The following DIP2C variants were observed in gnomAD, a reference collection of about 807,000 sequenced individuals.
The protein encoded by DIP2C is disco-interacting protein 2 homolog C.
DIP2C carries 33 observed loss-of-function variants against 192.4 expected under a neutral mutation model. That is an observed-to-expected ratio of 0.17 (90% CI 0.13 to 0.23). DIP2C has a LOEUF of 0.23. Among genes scored for constraint, DIP2C ranks in the 10% least tolerant of loss-of-function variants. The pLI, the probability that DIP2C is intolerant of heterozygous loss-of-function variation, is 1.00. For synonymous variants in DIP2C, 979 were observed against 864.1 expected (o/e 1.13, Z -2.33); for missense variants, 1,537 against 2,110.1 (o/e 0.73, Z 5.32).
chr10:410,468 A>C (rs1457654186), intron 8 of DIP2C, among the ~76,000 whole-genome samples: 1 of 152,170 alleles, frequency 6.6e-6, no homozygotes, highest in African/African-American at 2.4e-5. Context: ...CTGGAATTCT[A>C]TTAGGGGATT....
intron 31 of DIP2C, among the ~76,000 whole-genome samples, chr10:318,324 TGGG>T (rs1329856080): frequency 3.2e-4 from 48 of 152,200 alleles, no homozygotes. Context: ...AGCTAGGGTG[TGGG>T]GAGACGATCA....
At chr10:418,646 G>A (rs937581502) in intron 6 of DIP2C, among the ~76,000 whole-genome samples, 1 of 152,236 alleles carries the variant, frequency 6.6e-6, no homozygotes, top group African/African-American at 2.4e-5. Flanking sequence ...TTCCTCCAAA[G>A]TCTAAAGCAA....
At chr10:644,367 G>T (rs1855351409) in intron 1 of DIP2C, among the ~76,000 whole-genome samples, 1 of 152,278 alleles carries the variant, frequency 6.6e-6, no homozygotes, top group Non-Finnish European at 1.5e-5. Flanking sequence ...TCACTAAGAA[G>T]AGTGAAGCTG....
At chr10:474,816 T>TCA in intron 2 of DIP2C, among the ~76,000 whole-genome samples, 1 of 152,244 alleles carries the variant, frequency 6.6e-6, no homozygotes, top group South Asian at 2.1e-4. Context: ...AAGTTAAACT[T>TCA]CACTCTGATG....
chr10:685,829 C>T (rs1332821649), intron 1 of DIP2C, among the ~76,000 whole-genome samples: 4 of 151,980 alleles, frequency 2.6e-5, no homozygotes, highest in African/African-American at 7.3e-5. Flanking sequence ...GGTATTGTGG[C>T]GGGCACCTGT....
intron 1 of DIP2C, among the ~76,000 whole-genome samples, chr10:576,784 G>C (rs985156398): frequency 6.6e-6 from 1 of 152,122 alleles, no homozygotes; most frequent in African/African-American, 2.4e-5. Context: ...GCACGCGCCT[G>C]TAACCCCAGC....
At chr10:510,966 C>G (rs889998598) in intron 1 of DIP2C, among the ~76,000 whole-genome samples, 3 of 152,172 alleles carry the variant, frequency 2.0e-5, no homozygotes, top group Non-Finnish European at 4.4e-5. Context: ...TCATTAAAAC[C>G]TATTTTCTCC....
In DIP2C at chr10:283,300, C is replaced by T. The variant is rs917951931; in HGVS notation, c.4266G>A (p.Arg1422=). The part of the protein sequence containing the change: ...WARTGYLGFL[R]RTELTDANGE... Reference sequence around the variant, plus strand: ...CATTTGCATCTGTGAGCTCAGTTCTCCGCAGGAACCCCAAGTAGCCTGTGC... The same window carrying T: ...CATTTGCATCTGTGAGCTCAGTTCTTCGCAGGAACCCCAAGTAGCCTGTGC... Residue 1422 remains arginine, a synonymous_variant, in exon 35 of 37, where the codon CGG becomes CGA. Coordinates refer to ENST00000280886, the MANE Select transcript of DIP2C (RefSeq NM_014974.3). 12 of 1,613,846 alleles carry T rather than the reference C, an allele frequency of 7.4e-6. No homozygotes were observed. Among genetic ancestry groups the T allele is most frequent in the Non-Finnish European group, 1.0e-5 (12 of 1,179,912 alleles).
chr10:311,213 C>T lies in DIP2C; in HGVS notation c.3925-1121G>A, dbSNP rs189268131. Among the ~76,000 whole-genome samples, 187 of 152,200 alleles carry T rather than the reference C, an allele frequency of 1.2e-3. 1 individual carries two copies. Among genetic ancestry groups the T allele is most frequent in the Non-Finnish European group, 2.3e-3 (157 of 68,004 alleles). On this transcript the variant is annotated intron_variant, in intron 31 of 36. Transcript: ENST00000280886. ...CCACAGACCAGCGCTGAGCAGAGAA[C>T]CGGCCCACAGTGAGTAATGCAAAAT...
Position 362,594 on chromosome 10 carries a change from T to C in DIP2C, c.2690A>G (p.Glu897Gly). Residue 897 changes from glutamate to glycine, a missense_variant, in exon 22 of 37, where the codon GAA becomes GGA. Coordinates refer to ENST00000280886, the MANE Select transcript of DIP2C (RefSeq NM_014974.3). Reference sequence around the variant, plus strand: ...GCCCTCCAGAAAAAGCTGTTTTGTTTCTGATAAATGGATCCCACCAAGCGG... The same window carrying C: ...GCCCTCCAGAAAAAGCTGTTTTGTTCCTGATAAATGGATCCCACCAAGCGG... Reference protein sequence around the residue: ...KTPLGGIHLSETKQLFLEGSL... With the variant: ...KTPLGGIHLSGTKQLFLEGSL... The C allele has an allele frequency of 6.2e-7, 1 of 1,614,184 alleles. No homozygotes were observed. The highest frequency in any genetic ancestry group is 1.1e-5 in the South Asian group (1 of 91,078).
chr10:625,139 C>T (rs1363808249), intron 1 of DIP2C, among the ~76,000 whole-genome samples: 1 of 152,174 alleles, frequency 6.6e-6, no homozygotes, highest in Non-Finnish European at 1.5e-5. Flanking sequence ...CAGCCGTGTC[C>T]TCAGCGGGTC....
intron 4 of DIP2C, among the ~76,000 whole-genome samples, chr10:432,596 T>C (rs1966873895): frequency 6.6e-6 from 1 of 152,236 alleles, no homozygotes. Flanking sequence ...CTTATAGATT[T>C]TCTCTCAAAG....
intron 5 of DIP2C, 58 bp from the exon 6 acceptor site, chr10:419,257 G>C: frequency 6.2e-7 from 1 of 1,609,658 alleles, no homozygotes; most frequent in East Asian, 2.2e-5. Context: ...TCTGAAGGTG[G>C]AACAAGCCAC....
At chr10:461,675 A>T (rs568107494) in intron 3 of DIP2C, among the ~76,000 whole-genome samples, 3 of 152,202 alleles carry the variant, frequency 2.0e-5, no homozygotes, top group Non-Finnish European at 4.4e-5. Context: ...GCTCTGGGCC[A>T]AGCGGACCTA....
intron 1 of DIP2C, among the ~76,000 whole-genome samples, chr10:556,775 C>T (rs1172853825): frequency 1.3e-5 from 2 of 152,102 alleles, no homozygotes; most frequent in East Asian, 3.9e-4. Flanking sequence ...ATGCATCAAG[C>T]GAAAGACAGA....
At chr10:548,078 C>G (rs562405338) in intron 1 of DIP2C, among the ~76,000 whole-genome samples, 1 of 152,272 alleles carries the variant, frequency 6.6e-6, no homozygotes, top group East Asian at 1.9e-4. Flanking sequence ...GCCTCATTGG[C>G]TGTGATCAGG....
chr10:398,987 G>T, intron 10 of DIP2C, 122 bp downstream of exon 10: 2 of 781,664 alleles, frequency 2.6e-6, no homozygotes, highest in Non-Finnish European at 4.2e-6. Flanking sequence ...ATCCCTTATC[G>T]AGGCAACCGA....
chr10:409,091 A>C, intron 8 of DIP2C, 74 bp from the exon 9 acceptor site: 1 of 1,494,920 alleles, frequency 6.7e-7, no homozygotes. Context: ...GTCAAAGTCT[A>C]GGACATGAGT....
intron 1 of DIP2C, among the ~76,000 whole-genome samples, chr10:610,035 A>G (rs890524689): frequency 6.6e-6 from 1 of 152,136 alleles, no homozygotes. Flanking sequence ...TCCCAGCTTC[A>G]ATGCAGCACC....
Sources: gnomAD v4.1 joint callset for allele counts (sites outside exome capture counted in the v4.1 genomes callset) on GRCh38, gnomAD v4.1.1 for gene constraint, MANE v1.5 for transcripts, NCBI Gene and HGNC (gene_info 2026-07-23, HGNC 2026-07-21) for gene names.